CATSPERT: variants seen among roughly 807,000 people sequenced by gnomAD.
CATSPERT encodes the protein catsper channel auxiliary subunit tau.
the CATSPERT span, among the ~76,000 whole-genome samples, chr2:201,522,651 A>G: frequency 6.6e-6 from 1 of 152,166 alleles, no homozygotes; most frequent in Admixed American, 6.6e-5. Flanking sequence ...CATGACCCCC[A>G]CAGACATTTG....
the CATSPERT span, chr2:201,545,579 G>C: frequency 7.4e-7 from 1 of 1,358,120 alleles, no homozygotes; most frequent in Non-Finnish European, 9.6e-7. Context: ...TCTTCAGGAT[G>C]ATTACTTTTC....
the CATSPERT span, among the ~76,000 whole-genome samples, chr2:201,512,592 A>G: frequency 6.6e-6 from 1 of 152,182 alleles, no homozygotes; most frequent in East Asian, 1.9e-4. Context: ...CTAAAAATTC[A>G]TCCAGGTTGT....
chr2:201,550,112 T>C, the CATSPERT span: 1 of 152,162 alleles, frequency 6.6e-6, no homozygotes, highest in Non-Finnish European at 1.5e-5. Context: ...ATTACATCCA[T>C]AAGCTGTTCC....
the CATSPERT span, among the ~76,000 whole-genome samples, chr2:201,578,523 C>T: frequency 6.6e-6 from 1 of 152,026 alleles, no homozygotes; most frequent in African/African-American, 2.4e-5. Context: ...TTTTTAATTT[C>T]AGATATTTTA....
the CATSPERT span, chr2:201,536,023 C>T: frequency 6.2e-7 from 1 of 1,612,920 alleles, no homozygotes; most frequent in East Asian, 2.2e-5. Flanking sequence ...AAATTTACCT[C>T]TGATAGAGAT....
the CATSPERT span, chr2:201,493,790 T>C: frequency 2.6e-6 from 4 of 1,536,788 alleles, no homozygotes; most frequent in Non-Finnish European, 2.6e-6. Context: ...GATTTGGAGT[T>C]AGGTACTTCG....
chr2:201,491,050 C>G, the CATSPERT span: 7 of 856,884 alleles, frequency 8.2e-6, no homozygotes, highest in African/African-American at 1.2e-4. Context: ...AATTGGAGGT[C>G]TGTATGTCTT....
chr2:201,539,169 T>A, the CATSPERT span, among the ~76,000 whole-genome samples: 1 of 152,180 alleles, frequency 6.6e-6, no homozygotes, highest in East Asian at 1.9e-4. Context: ...TATATTCCTT[T>A]GGGTATATAC....
At chr2:201,503,551 C>G in the CATSPERT span, among the ~76,000 whole-genome samples, 1 of 152,146 alleles carries the variant, frequency 6.6e-6, no homozygotes, top group Non-Finnish European at 1.5e-5. Flanking sequence ...GGCACCACCA[C>G]ACCTGGCTAA....
chr2:201,592,614 ACT>A, the CATSPERT span, among the ~76,000 whole-genome samples: 1 of 149,398 alleles, frequency 6.7e-6, no homozygotes, highest in Non-Finnish European at 1.5e-5. Context: ...CTGGTCCTGG[ACT>A]CTTTTTGGTT....
chr2:201,587,536 A>G, the CATSPERT span, among the ~76,000 whole-genome samples: 1 of 152,160 alleles, frequency 6.6e-6, no homozygotes, highest in African/African-American at 2.4e-5. Flanking sequence ...TTTCTGATGG[A>G]GAGTCAGCTG....
chr2:201,608,189 C>T, the CATSPERT span, among the ~76,000 whole-genome samples: 7 of 152,018 alleles, frequency 4.6e-5, no homozygotes, highest in Admixed American at 4.6e-4. Context: ...GCTTTGTCAC[C>T]CAGGATGGAA....
chr2:201,551,887 A>G, the CATSPERT span, among the ~76,000 whole-genome samples: 1 of 151,368 alleles, frequency 6.6e-6, no homozygotes, highest in Non-Finnish European at 1.5e-5. Context: ...CAGCCTGGCC[A>G]ACAAGAGGGA....
chr2:201,490,010 C>T, the CATSPERT span, among the ~76,000 whole-genome samples: 4 of 152,134 alleles, frequency 2.6e-5, no homozygotes, highest in Non-Finnish European at 4.4e-5. Context: ...GCGTGCACCA[C>T]GACACCCAGC....
the CATSPERT span, among the ~76,000 whole-genome samples, chr2:201,575,815 T>A: frequency 1.2e-3 from 189 of 152,308 alleles, no homozygotes; most frequent in African/African-American, 4.4e-3. Flanking sequence ...GCACAATAAA[T>A]GTAATGCACT....
the CATSPERT span, among the ~76,000 whole-genome samples, chr2:201,609,777 G>C: frequency 2.0e-5 from 3 of 151,966 alleles, no homozygotes; most frequent in African/African-American, 7.2e-5. Context: ...TACACATCAA[G>C]AAAGAAGAAA....
chr2:201,531,586 G>A, the CATSPERT span, among the ~76,000 whole-genome samples: 1 of 152,090 alleles, frequency 6.6e-6, no homozygotes, highest in Non-Finnish European at 1.5e-5. Flanking sequence ...TACATAGAGT[G>A]GTCAGAGGAG....
chr2:201,566,223 T>C, the CATSPERT span, among the ~76,000 whole-genome samples: 1 of 151,986 alleles, frequency 6.6e-6, no homozygotes, highest in Non-Finnish European at 1.5e-5. Flanking sequence ...TTTTTATTAT[T>C]ATACTTTAAG....
chr2:201,585,322 G>A, the CATSPERT span, among the ~76,000 whole-genome samples: 8 of 150,220 alleles, frequency 5.3e-5, no homozygotes, highest in East Asian at 2.0e-4. Flanking sequence ...ACCATGGCAC[G>A]TGTATACCTA....
Sources: gnomAD v4.1 joint callset for allele counts (sites outside exome capture counted in the v4.1 genomes callset) on GRCh38, gnomAD v4.1.1 for gene constraint, MANE v1.5 for transcripts, NCBI Gene and HGNC (gene_info 2026-07-23, HGNC 2026-07-21) for gene names.